The following L3MBTL4 variants were observed in gnomAD, a reference collection of about 807,000 sequenced individuals.
L3MBTL4 encodes the protein lethal(3)malignant brain tumor-like protein 4.
A neutral mutation model predicts 84.5 loss-of-function variants in L3MBTL4; 70 were observed. The ratio of observed to expected loss-of-function variants is 0.83; its 90% CI spans 0.68 to 1.01. The LOEUF (loss-of-function observed/expected upper bound fraction) is 1.01, where lower values mean the gene tolerates loss of function less well. Ranked by LOEUF, L3MBTL4 falls within the 50% of genes least tolerant of loss-of-function variation. The probability of loss-of-function intolerance (pLI) is 0.00; values close to 1 mark genes in which losing one functional copy is unlikely to be tolerated. For synonymous variants in L3MBTL4, 274 were observed against 259.8 expected (o/e 1.05, Z -0.52); for missense variants, 715 against 754.8 (o/e 0.95, Z 0.62).
chr18:6,162,487 T>C (rs1023762838), intron 13 of L3MBTL4, among the ~76,000 whole-genome samples: 3 of 152,248 alleles, frequency 2.0e-5, no homozygotes, highest in African/African-American at 4.8e-5. Context: ...TCATATATGA[T>C]AAAATACTGC....
chr18:6,171,609 C>A (rs1368435262), intron 13 of L3MBTL4, among the ~76,000 whole-genome samples: 3 of 152,190 alleles, frequency 2.0e-5, no homozygotes, highest in African/African-American at 7.2e-5. Flanking sequence ...TTGGAAAACA[C>A]TATCAAAATA....
intron 16 of L3MBTL4, chr18:6,030,641 G>A: frequency 4.6e-6 from 4 of 862,722 alleles, no homozygotes; most frequent in Non-Finnish European, 5.6e-6. Flanking sequence ...TGGGATTACA[G>A]GTGCCTGCCA....
intron 16 of L3MBTL4, among the ~76,000 whole-genome samples, chr18:6,039,328 T>C (rs2056297913): frequency 6.6e-6 from 1 of 152,134 alleles, no homozygotes; most frequent in Non-Finnish European, 1.5e-5. Flanking sequence ...GAAAATTTTC[T>C]CTGCTTTTAA....
chr18:6,387,064 C>A (rs1240474388), intron 1 of L3MBTL4, among the ~76,000 whole-genome samples: 2 of 152,134 alleles, frequency 1.3e-5, no homozygotes, highest in Non-Finnish European at 2.9e-5. Flanking sequence ...GCAGCCAGGA[C>A]TGGCGACAGA....
chr18:6,261,274 C>T (rs1314519011), intron 5 of L3MBTL4, among the ~76,000 whole-genome samples: 1 of 152,186 alleles, frequency 6.6e-6, no homozygotes, highest in Admixed American at 6.5e-5. Flanking sequence ...GTCTTAAACA[C>T]GTGGGCAGCT....
intron 5 of L3MBTL4, among the ~76,000 whole-genome samples, chr18:6,253,815 C>T (rs1176832212): frequency 6.6e-6 from 1 of 152,176 alleles, no homozygotes; most frequent in Non-Finnish European, 1.5e-5. Flanking sequence ...GAAGCTCCTT[C>T]CTTGCTTTTT....
chr18:6,293,938 T>C (rs1234938410), intron 4 of L3MBTL4, among the ~76,000 whole-genome samples: 1 of 152,186 alleles, frequency 6.6e-6, no homozygotes, highest in Admixed American at 6.5e-5. Flanking sequence ...ATGTGACATA[T>C]GATTCTGAGC....
intron 14 of L3MBTL4, among the ~76,000 whole-genome samples, chr18:6,128,113 C>A (rs965169554): frequency 6.6e-6 from 1 of 150,952 alleles, no homozygotes; most frequent in Non-Finnish European, 1.5e-5. Context: ...GCTACACAAT[C>A]TATCCAGCAA....
chr18:6,215,735 C>G lies in L3MBTL4; in HGVS notation c.870+15G>C, dbSNP rs754029809. On this transcript the variant is annotated intron_variant, in intron 11 of 18. Coordinates refer to ENST00000317931, the MANE Select transcript of L3MBTL4 (RefSeq NM_001330559.2). ...GTTGTTTAAAGGTGAGAGTTTGTAC[C>G]CACATAGAACTTACCATTTTAAAAA... The G allele has an allele frequency of 6.6e-7, 1 of 1,506,380 alleles. No individual in the cohort carries two copies. Among genetic ancestry groups the G allele is most frequent in the Admixed American group, 1.9e-5 (1 of 52,656 alleles). The allele number at this position is 1,506,380 out of a possible 1,614,324, so 93.3% of individuals were successfully genotyped here.
chr18:6,316,182 C>A lies in L3MBTL4; in HGVS notation c.-90-4126G>T, dbSNP rs368710547. Among the ~76,000 whole-genome samples, 7 of 152,280 alleles carry A rather than the reference C, an allele frequency of 4.6e-5. 1 individual carries two copies. The East Asian group carries it at 1.2e-3, about 25-fold the overall frequency. On this transcript the variant is annotated intron_variant, in intron 1 of 18. Coordinates refer to ENST00000317931, the MANE Select transcript of L3MBTL4 (RefSeq NM_001330559.2). ...CCATCGGAGCTAGTGCCGGTGCCTA[C>A]TGCTGGGAGACATAAGGACAGGTCA...
At chr18:6,372,427 G>A (rs1295570842) in intron 1 of L3MBTL4, among the ~76,000 whole-genome samples, 1 of 152,160 alleles carries the variant, frequency 6.6e-6, no homozygotes, top group Non-Finnish European at 1.5e-5. Context: ...AAATAACACA[G>A]GCTTATTTGT....
At chr18:6,199,814 T>C (rs2045573258) in intron 12 of L3MBTL4, among the ~76,000 whole-genome samples, 1 of 152,220 alleles carries the variant, frequency 6.6e-6, no homozygotes, top group African/African-American at 2.4e-5. Flanking sequence ...AGAAGTAATG[T>C]TGTAGCACAA....
At chr18:6,374,536 A>T (rs933868219) in intron 1 of L3MBTL4, 7 of 154,816 alleles carry the variant, frequency 4.5e-5, no homozygotes, top group East Asian at 3.8e-4. Context: ...ACAGATGGAT[A>T]CAAAAAGCTG....
intron 16 of L3MBTL4, chr18:6,031,769 T>A: frequency 1.0e-6 from 1 of 984,788 alleles, no homozygotes; most frequent in Non-Finnish European, 1.2e-6. Flanking sequence ...TCTGTGTGCC[T>A]ATCTGCAGTC....
intron 1 of L3MBTL4, among the ~76,000 whole-genome samples, chr18:6,349,521 A>T (rs2053078297): frequency 6.6e-6 from 1 of 152,120 alleles, no homozygotes; most frequent in African/African-American, 2.4e-5. Flanking sequence ...TTGAGGCCAG[A>T]TCGAGACCAG....
intron 1 of L3MBTL4, among the ~76,000 whole-genome samples, chr18:6,327,032 C>T (rs540424624): frequency 5.3e-5 from 8 of 152,078 alleles, no homozygotes; most frequent in Non-Finnish European, 1.2e-4. Flanking sequence ...GGAAAAGAAA[C>T]GCACTATTAC....
intron 11 of L3MBTL4, among the ~76,000 whole-genome samples, chr18:6,214,679 T>A (rs972085649): frequency 1.3e-5 from 2 of 152,194 alleles, no homozygotes; most frequent in African/African-American, 4.8e-5. Context: ...CTGACTGTAA[T>A]TAGGTCTTTC....
intron 9 of L3MBTL4, among the ~76,000 whole-genome samples, chr18:6,238,542 A>G (rs879912896): frequency 6.6e-5 from 10 of 152,188 alleles, no homozygotes; most frequent in Non-Finnish European, 1.3e-4. Flanking sequence ...CAAAAAAAAA[A>G]AGTATAAAAT....
At chr18:6,186,049 G>C (rs1396512991) in intron 12 of L3MBTL4, among the ~76,000 whole-genome samples, 2 of 147,720 alleles carry the variant, frequency 1.4e-5, no homozygotes, top group African/African-American at 5.3e-5. Flanking sequence ...TTCAGCTCTT[G>C]TTAACCAGGC....
Sources: allele counts gnomAD v4.1 joint callset (sites outside exome capture counted in the v4.1 genomes callset), GRCh38; gene constraint gnomAD v4.1.1; transcripts MANE v1.5; gene names NCBI Gene and HGNC (gene_info 2026-07-23, HGNC 2026-07-21).